Variants in CSMD3 observed in about 807,000 individuals in gnomAD.
The protein encoded by CSMD3 is CUB and sushi domain-containing protein 3.
CSMD3 carries 177 observed loss-of-function variants against 435.2 expected under a neutral mutation model. The ratio of observed to expected loss-of-function variants is 0.41; its 90% CI spans 0.36 to 0.46. The LOEUF (loss-of-function observed/expected upper bound fraction) is 0.46. CSMD3 is among the 20% of genes least tolerant of loss of function. The pLI, the probability that CSMD3 is intolerant of heterozygous loss-of-function variation, is 0.34. For missense variants in CSMD3, 4,265 were observed against 4,504.6 expected (o/e 0.95, Z 1.52); for synonymous variants, 1,656 against 1,520.5 (o/e 1.09, Z -2.07).
chr8:112,281,058 TACAA>T (rs1818577163), intron 59 of CSMD3, 112 bp downstream of exon 59: 2 of 775,894 alleles, frequency 2.6e-6, no homozygotes, highest in Non-Finnish European at 4.2e-6. Flanking sequence ...TGAAAGGCAG[TACAA>T]ACAGTTAAAA....
chr8:112,304,036 G>A (rs1452666412), intron 52 of CSMD3, among the ~76,000 whole-genome samples: 1 of 152,070 alleles, frequency 6.6e-6, no homozygotes. Flanking sequence ...TGTTCTGTTA[G>A]CTTATGTATA....
At chr8:113,079,112 C>T (rs1021048356) in intron 5 of CSMD3, among the ~76,000 whole-genome samples, 5 of 152,220 alleles carry the variant, frequency 3.3e-5, no homozygotes, top group African/African-American at 9.6e-5. Context: ...TTGCCATTCA[C>T]CTTTTAAAGA....
rs879499678 is a variant in CSMD3, at chr8:112,406,578, C to G, written c.5755G>C (p.Glu1919Gln). 10 of 1,612,586 alleles carry G rather than the reference C, an allele frequency of 6.2e-6. No individual in the cohort carries two copies. The highest frequency in any genetic ancestry group is 8.5e-6 in the Non-Finnish European group (10 of 1,179,068). The stretch of plus-strand genomic sequence containing the variant: ...TGGGCCAAAGAATTGGGCACTGTTT[C>G]ACACCTAATTGCTATGGATCCATGG... ...ILHGSIAIRC[E>Q]TVPNSLAQWN... Residue 1919 changes from glutamate to glutamine, a missense_variant, in exon 35 of 71, where the codon GAA becomes CAA. Around this residue, in one of 3 missense-constraint regions of CSMD3, gnomAD observed 3,255 missense variants for 3,380.2 expected, o/e 0.96. Coordinates refer to ENST00000297405, the MANE Select transcript of CSMD3 (RefSeq NM_198123.2).
intron 35 of CSMD3, among the ~76,000 whole-genome samples, chr8:112,404,839 A>G (rs974600460): frequency 2.0e-5 from 3 of 152,020 alleles, no homozygotes; most frequent in Admixed American, 6.6e-5. Context: ...TATTAAAATT[A>G]AAACAAAAAT....
intron 5 of CSMD3, among the ~76,000 whole-genome samples, chr8:113,094,559 C>T (rs1165706641): frequency 3.3e-5 from 5 of 152,130 alleles, no homozygotes; most frequent in African/African-American, 7.2e-5. Context: ...ATTCTTCTCA[C>T]GCTACTAATC....
chr8:112,386,116 C>A (rs916542359), intron 36 of CSMD3, among the ~76,000 whole-genome samples: 9 of 152,088 alleles, frequency 5.9e-5, no homozygotes, highest in South Asian at 4.1e-4. Context: ...CTGGAAAAAA[C>A]CAAGGAAGAG....
intron 13 of CSMD3, among the ~76,000 whole-genome samples, chr8:112,728,993 T>C (rs984133592): frequency 6.6e-6 from 1 of 152,066 alleles, no homozygotes; most frequent in Non-Finnish European, 1.5e-5. Flanking sequence ...ATATATATTT[T>C]ACATAGTACA....
intron 5 of CSMD3, among the ~76,000 whole-genome samples, chr8:113,051,727 G>A (rs573839236): frequency 6.6e-6 from 1 of 152,250 alleles, no homozygotes; most frequent in South Asian, 2.1e-4. Context: ...TGAAGGTCAG[G>A]TCTTCATTTG....
At chr8:112,282,315 A>G (rs1170213113) in intron 58 of CSMD3, among the ~76,000 whole-genome samples, 3 of 152,082 alleles carry the variant, frequency 2.0e-5, no homozygotes, top group South Asian at 2.1e-4. Context: ...TATATACATA[A>G]AAATCAAACT....
intron 22 of CSMD3, among the ~76,000 whole-genome samples, chr8:112,611,181 C>T (rs566571197): frequency 6.6e-6 from 1 of 152,254 alleles, no homozygotes; most frequent in Non-Finnish European, 1.5e-5. Context: ...CTGAGAAATG[C>T]CACGCATAAT....
At chr8:113,269,663 A>G (rs1176159444) in intron 3 of CSMD3, among the ~76,000 whole-genome samples, 2 of 151,822 alleles carry the variant, frequency 1.3e-5, no homozygotes, top group Non-Finnish European at 2.9e-5. Context: ...CCACACATCT[A>G]CAACCATCTG....
intron 12 of CSMD3, among the ~76,000 whole-genome samples, chr8:112,812,610 C>T (rs2079257882): frequency 6.6e-6 from 1 of 152,156 alleles, no homozygotes; most frequent in Non-Finnish European, 1.5e-5. Flanking sequence ...CTTTATGCCT[C>T]TCTGTTGAAT....
chr8:112,743,899 G>C (rs540507067), intron 13 of CSMD3, among the ~76,000 whole-genome samples: 4 of 151,984 alleles, frequency 2.6e-5, no homozygotes, highest in African/African-American at 9.6e-5. Flanking sequence ...AAAAACATAT[G>C]ATTAAACAAG....
chr8:112,564,733 C>A (rs1323076041), intron 24 of CSMD3, among the ~76,000 whole-genome samples: 1 of 151,998 alleles, frequency 6.6e-6, no homozygotes, highest in Non-Finnish European at 1.5e-5. Flanking sequence ...TATTTGTTGG[C>A]AAGAGAATCT....
intron 7 of CSMD3, among the ~76,000 whole-genome samples, chr8:112,959,736 A>G (rs1269513520): frequency 6.6e-6 from 1 of 151,896 alleles, no homozygotes; most frequent in Non-Finnish European, 1.5e-5. Context: ...TTGGATATTG[A>G]AAATAACTAA....
intron 13 of CSMD3, among the ~76,000 whole-genome samples, chr8:112,770,380 C>T (rs2078082520): frequency 6.6e-6 from 1 of 152,022 alleles, no homozygotes; most frequent in Non-Finnish European, 1.5e-5. Flanking sequence ...GAGGATGAAG[C>T]GTTCAAGGCA....
intron 4 of CSMD3, among the ~76,000 whole-genome samples, chr8:113,158,277 A>G (rs1350353046): frequency 1.3e-5 from 2 of 152,056 alleles, no homozygotes; most frequent in African/African-American, 4.8e-5. Context: ...CACTAACGCT[A>G]CCATGAGTGT....
At chr8:113,195,926 A>T (rs1263309522) in intron 3 of CSMD3, among the ~76,000 whole-genome samples, 1 of 150,074 alleles carries the variant, frequency 6.7e-6, no homozygotes, top group Non-Finnish European at 1.5e-5. Context: ...ACTTCCTCTC[A>T]GAGGATAAGT....
At chr8:113,200,716 C>T (rs894082703) in intron 3 of CSMD3, among the ~76,000 whole-genome samples, 1 of 151,106 alleles carries the variant, frequency 6.6e-6, no homozygotes, top group Admixed American at 6.6e-5. Flanking sequence ...TCTATTTCTA[C>T]ACTTGCTCCC....
Sources: gnomAD v4.1 joint callset for allele counts (sites outside exome capture counted in the v4.1 genomes callset) on GRCh38, gnomAD v4.1.1 for gene constraint, gnomAD v4.1.1 regional missense constraint, MANE v1.5 for transcripts, NCBI Gene and HGNC (gene_info 2026-07-23, HGNC 2026-07-21) for gene names.